The following CLIP1 variants were observed in gnomAD, a reference collection of about 807,000 sequenced individuals.
CLIP1 encodes CAP-Gly domain containing linker protein 1.
Under a neutral mutation model 161.6 loss-of-function variants are expected in CLIP1, and 66 were observed. The ratio of observed to expected loss-of-function variants is 0.41; its 90% CI spans 0.33 to 0.50. The LOEUF (loss-of-function observed/expected upper bound fraction) is 0.50, where lower values mean the gene tolerates loss of function less well. Ranked by LOEUF, CLIP1 falls within the 20% of genes least tolerant of loss-of-function variation. The pLI is 0.27. For synonymous variants in CLIP1, 598 were observed against 626.2 expected, an observed-to-expected ratio of 0.96 and a Z score of 0.67; for missense variants, 1,376 against 1,702.0, an observed-to-expected ratio of 0.81 and a Z score of 3.37.
At chr12:122,380,182 G>T (rs576876742) in intron 2 of CLIP1, among the ~76,000 whole-genome samples, 186 bp downstream of exon 2, 1 of 151,566 alleles carries the variant, frequency 6.6e-6, no homozygotes, top group Non-Finnish European at 1.5e-5. Context: ...GGCGGAGCCT[G>T]CAGTGAGCCA....
rs1475638555 is a variant in CLIP1, at chr12:122,387,570, ATATATATATATATATATATATTTTTTT to A, written c.-106-7039_-106-7013del. 5.3e-4 allele frequency among the ~76,000 whole-genome samples: 5 copies of A among 9,370 alleles called. No homozygotes were observed. In the East Asian group the frequency reaches 0.015, roughly 28 times the overall value. 6.1% of individuals were successfully genotyped at this position (9,370 alleles called of 152,430 possible). ...TTCATATATATATATATATATATAT[ATATATATATATATATATATATTTTTTT>A]TTTTTTTTTTTTTTTTTTTAGAAAC... On this transcript the variant is annotated intron_variant, in intron 1 of 25. Transcript: ENST00000620786.
intron 17 of CLIP1, chr12:122,322,916 G>A (rs1347261368): frequency 6.6e-6 from 1 of 152,508 alleles, no homozygotes; most frequent in African/African-American, 2.4e-5. Context: ...ATTCTTTTTG[G>A]TATTTTGAGC....
At chr12:122,336,433 A>AAAG (rs1952223956) in intron 12 of CLIP1, among the ~76,000 whole-genome samples, 199 bp downstream of exon 12, 1 of 135,938 alleles carries the variant, frequency 7.4e-6, no homozygotes, top group South Asian at 2.4e-4. Context: ...AAAAAAAAAA[A>AAAG]GTAATACCTA....
intron 9 of CLIP1, among the ~76,000 whole-genome samples, chr12:122,349,274 A>G (rs993345067): frequency 1.3e-5 from 2 of 152,244 alleles, no homozygotes; most frequent in Non-Finnish European, 2.9e-5. Flanking sequence ...TCTGGGTAAA[A>G]GGTCACTATT....
intron 1 of CLIP1, among the ~76,000 whole-genome samples, chr12:122,417,379 C>T (rs925632415): frequency 7.9e-5 from 12 of 151,798 alleles, no homozygotes; most frequent in African/African-American, 1.7e-4. Flanking sequence ...GGCAGGAGGA[C>T]GGCTTGAGTC....
At chr12:122,316,951 G>T in intron 18 of CLIP1, 96 bp from the exon 19 acceptor site, 1 of 736,930 alleles carries the variant, frequency 1.4e-6, no homozygotes, top group Non-Finnish European at 2.1e-6. Context: ...TGAAAAGACA[G>T]ATGAAATTAG....
chr12:122,278,664 G>T, intron 23 of CLIP1, 128 bp downstream of exon 23: 1 of 959,478 alleles, frequency 1.0e-6, no homozygotes, highest in Non-Finnish European at 1.5e-6. Context: ...TTGATTAAGT[G>T]GTGGAAGAGC....
At chr12:122,360,780 C>T (rs1953741042) in intron 5 of CLIP1, 179 bp downstream of exon 5, 4 of 551,352 alleles carry the variant, frequency 7.3e-6, no homozygotes, top group Non-Finnish European at 9.4e-6. Context: ...TTTCAAAAAA[C>T]GCATTCTTGC....
chr12:122,419,926 CAAAAAAAA>C (rs5801469), intron 1 of CLIP1, among the ~76,000 whole-genome samples: 3 of 79,840 alleles, frequency 3.8e-5, no homozygotes, highest in Non-Finnish European at 6.5e-5. Flanking sequence ...GACTCTGTCT[CAAAAAAAA>C]AAAAAAAAAA....
chr12:122,336,886 G>C, intron 11 of CLIP1, 138 bp from the exon 12 acceptor site: 1 of 445,368 alleles, frequency 2.2e-6, no homozygotes, highest in East Asian at 3.5e-5. Flanking sequence ...ATTTGGTGTT[G>C]GTTTTTAATT....
chr12:122,365,588 G>C (rs1954104614), intron 3 of CLIP1: 1 of 1,289,912 alleles, frequency 7.8e-7, no homozygotes, highest in Non-Finnish European at 1.1e-6. Flanking sequence ...CAATGGGAAG[G>C]AGCCTGAGCT....
chr12:122,381,400 C>CT (rs1299530378), intron 1 of CLIP1, among the ~76,000 whole-genome samples: 1 of 152,042 alleles, frequency 6.6e-6, no homozygotes, highest in African/African-American at 2.4e-5. Context: ...TACCTTGTTT[C>CT]TATCTAGAAA....
intron 8 of CLIP1, 146 bp downstream of exon 8, chr12:122,352,580 C>T (rs567582591): frequency 2.2e-5 from 15 of 685,840 alleles, no homozygotes; most frequent in East Asian, 2.1e-4. Context: ...GTACCGGCAC[C>T]GTCACCACAA....
chr12:122,274,526 C>A, intron 24 of CLIP1: 2 of 152,454 alleles, frequency 1.3e-5, no homozygotes, highest in Non-Finnish European at 1.4e-5. Context: ...GGGTAAACTT[C>A]ATTTGTTTTG....
At chr12:122,280,039 G>A (rs746510750) in intron 21 of CLIP1, 1 of 152,200 alleles carries the variant, frequency 6.6e-6, no homozygotes, top group African/African-American at 2.4e-5. Context: ...AGGCTAGCAT[G>A]TGTTTACATA....
rs1240566384 is a variant in CLIP1 at position 122,288,490 on chromosome 12, T to A, written c.3646A>T (p.Arg1216Ter). The A allele has an allele frequency of 6.2e-7, 1 of 1,605,044 alleles. No homozygotes were observed. Among genetic ancestry groups the A allele is most frequent in the East Asian group, 2.2e-5 (1 of 44,822 alleles). ...LNNQLLEMKK[R>*]ESKFIKDADE... ...TACAACAATAAACAGAAAGCTTACC[T>A]TTTTTTCATTTCTAACAACTGATTA... The change falls in exon 21 of 26, where the codon AGA becomes TGA. Residue 1216 changes from arginine to a stop codon, truncating the protein, a stop_gained and splice_region_variant. Transcript: ENST00000620786. LOFTEE classifies it high-confidence loss of function.
rs768333856 is a variant in CLIP1, at chr12:122,278,772, A to G, written c.3916+20T>C. On this transcript the variant is annotated intron_variant, in intron 23 of 25. Transcript: ENST00000620786. ...GAGGACGCGGGGTGTACAGAGAAGC[A>G]CTGGGCAGGCGCCCTTTACCTGAGG... The G allele has an allele frequency of 3.8e-6, 6 of 1,570,504 alleles. No homozygotes were observed. Among genetic ancestry groups the G allele is most frequent in the Non-Finnish European group, 5.2e-6 (6 of 1,160,764 alleles).
rs774805131 is a variant in CLIP1 at position 122,278,170 on chromosome 12, C to T, written c.3950G>A (p.Arg1317Lys). Reference sequence around the variant, plus strand: ...GAACATTACCTGACTCTCCTGGGCTCTTTCATCCTCGTCTGCCTGAGTGTC... The same window carrying T: ...GAACATTACCTGACTCTCCTGGGCTTTTTCATCCTCGTCTGCCTGAGTGTC... ...NTDTQADEDE[R>K]AQESQIDFLN... Residue 1317 changes from arginine (R) to lysine (K), a missense_variant, in exon 24 of 26, where the codon AGA becomes AAA. Coordinates refer to ENST00000620786, the MANE Select transcript of CLIP1 (RefSeq NM_001247997.2). 2 of 1,595,856 alleles carry T rather than the reference C, an allele frequency of 1.3e-6. No homozygotes were observed. Among genetic ancestry groups the T allele is most frequent in the Admixed American group, 1.7e-5 (1 of 59,232 alleles).
chr12:122,330,436 A>G (rs143768348), intron 15 of CLIP1, among the ~76,000 whole-genome samples: 60 of 152,306 alleles, frequency 3.9e-4, no homozygotes, highest in African/African-American at 1.4e-3. Flanking sequence ...GTAGAAGTCT[A>G]ATGCCTACAG....
Sources: gnomAD v4.1 joint callset for allele counts (sites outside exome capture counted in the v4.1 genomes callset) on GRCh38, gnomAD v4.1.1 for gene constraint, MANE v1.5 for transcripts, NCBI Gene and HGNC (gene_info 2026-07-23, HGNC 2026-07-21) for gene names.